Variants in ZNF532 observed in about 807,000 individuals in gnomAD.
ZNF532 encodes zinc finger protein 532.
A neutral mutation model predicts 89.3 loss-of-function variants in ZNF532; 22 were observed. That is an observed-to-expected ratio of 0.25 (90% confidence interval 0.18 to 0.35). The LOEUF (loss-of-function observed/expected upper bound fraction) is 0.35. ZNF532 is among the 10% of genes least tolerant of loss of function. The probability of loss-of-function intolerance (pLI) is 1.00; values close to 1 mark genes in which losing one functional copy is unlikely to be tolerated. For missense variants in ZNF532, 1,132 were observed against 1,643.4 expected (o/e 0.69, Z 5.38); for synonymous variants, 606 against 649.6 (o/e 0.93, Z 1.02).
intron 2 of ZNF532, among the ~76,000 whole-genome samples, chr18:58,880,702 G>C (rs976240254): frequency 4.7e-5 from 7 of 148,284 alleles, no homozygotes; most frequent in Non-Finnish European, 7.5e-5. Flanking sequence ...CAAACCTAAA[G>C]TTCAGGGTCT....
chr18:58,922,703 C>CGTGTCT (rs1360064090), intron 3 of ZNF532, among the ~76,000 whole-genome samples: 1 of 152,188 alleles, frequency 6.6e-6, no homozygotes, highest in Non-Finnish European at 1.5e-5. Flanking sequence ...CTGTTGTCTT[C>CGTGTCT]GTGTCTGTGT....
chr18:58,977,297 G>A (rs527248027), intron 7 of ZNF532, among the ~76,000 whole-genome samples: 1 of 152,262 alleles, frequency 6.6e-6, no homozygotes, highest in Admixed American at 6.5e-5. Context: ...GTCCCATGCT[G>A]CCTGCCCCCT....
intron 6 of ZNF532, among the ~76,000 whole-genome samples, chr18:58,951,688 C>T (rs543004042): frequency 4.1e-5 from 4 of 98,758 alleles, no homozygotes; most frequent in Admixed American, 1.6e-4. Context: ...TTTGCTCCGT[C>T]GCCCAAGCTG....
chr18:58,927,251 C>T (rs1458979269), intron 3 of ZNF532, among the ~76,000 whole-genome samples: 3 of 152,124 alleles, frequency 2.0e-5, no homozygotes, highest in African/African-American at 7.2e-5. Flanking sequence ...TGGGTAGGGA[C>T]GTTGGGACAG....
chr18:58,911,464 C>G (rs1227403630), intron 2 of ZNF532, among the ~76,000 whole-genome samples: 1 of 152,182 alleles, frequency 6.6e-6, no homozygotes, highest in Non-Finnish European at 1.5e-5. Context: ...CAGGGTTGCT[C>G]AAGCCTTTAA....
intron 6 of ZNF532, among the ~76,000 whole-genome samples, chr18:58,950,711 A>G (rs1011898017): frequency 6.6e-6 from 1 of 152,220 alleles, no homozygotes; most frequent in Non-Finnish European, 1.5e-5. Context: ...TTATATTTAA[A>G]CTTTTGAGTT....
chr18:58,864,738 C>T (rs183839338), upstream of ZNF532: 3 of 152,406 alleles, frequency 2.0e-5, no homozygotes, highest in Admixed American at 6.5e-5. Context: ...GAGATCCCCC[C>T]TGTGCTGATG....
chr18:58,865,918 T>C (rs1036051313), intron 2 of ZNF532, among the ~76,000 whole-genome samples: 1 of 152,196 alleles, frequency 6.6e-6, no homozygotes, highest in African/African-American at 2.4e-5. Flanking sequence ...ATTTTCCCGA[T>C]GATTATAAGA....
intron 2 of ZNF532, among the ~76,000 whole-genome samples, chr18:58,903,328 C>T (rs1202220503): frequency 6.6e-6 from 1 of 152,146 alleles, no homozygotes; most frequent in Non-Finnish European, 1.5e-5. Flanking sequence ...CGCAGCAGCT[C>T]ATGGTTGGGG....
At chr18:58,887,513 T>C (rs997767364) in intron 2 of ZNF532, among the ~76,000 whole-genome samples, 1 of 152,210 alleles carries the variant, frequency 6.6e-6, no homozygotes, top group Admixed American at 6.5e-5. Context: ...TGGTTATTGT[T>C]CGATGCATAT....
chr18:58,874,094 T>A, intron 2 of ZNF532, among the ~76,000 whole-genome samples: 1 of 151,706 alleles, frequency 6.6e-6, no homozygotes, highest in East Asian at 1.9e-4. Flanking sequence ...GTCCCAGGAC[T>A]TTTTTTTTCT....
At chr18:58,976,911 A>G (rs1444729218) in intron 7 of ZNF532, among the ~76,000 whole-genome samples, 1 of 152,216 alleles carries the variant, frequency 6.6e-6, no homozygotes, top group African/African-American at 2.4e-5. Flanking sequence ...CATGACTTTA[A>G]AGCTTTAAAA....
intron 3 of ZNF532, among the ~76,000 whole-genome samples, chr18:58,923,850 C>T (rs1448748177): frequency 6.7e-6 from 1 of 149,732 alleles, no homozygotes; most frequent in African/African-American, 2.4e-5. Context: ...CTCTGTTGTA[C>T]AACATATTCC....
intron 5 of ZNF532, among the ~76,000 whole-genome samples, chr18:58,946,593 A>G (rs2146872254): frequency 6.6e-6 from 1 of 152,196 alleles, no homozygotes; most frequent in South Asian, 2.1e-4. Flanking sequence ...TTAACCACTT[A>G]TTTATACTCT....
chr18:58,977,399 G>T (rs1298082465), intron 7 of ZNF532: 1 of 152,154 alleles, frequency 6.6e-6, no homozygotes, highest in African/African-American at 2.4e-5. Flanking sequence ...ATTCACGTGG[G>T]TTGAGTGGCT....
chr18:58,917,703 GT>G (rs1179170456), intron 2 of ZNF532, among the ~76,000 whole-genome samples: 327 of 145,560 alleles, frequency 2.2e-3, no homozygotes, highest in African/African-American at 6.8e-3. Context: ...GCTCCTTAGG[GT>G]TTTTTTTTTT....
chr18:58,965,036 AATTTAT>A (rs2065785166), intron 7 of ZNF532, among the ~76,000 whole-genome samples: 1 of 148,752 alleles, frequency 6.7e-6, no homozygotes, highest in Non-Finnish European at 1.5e-5. Flanking sequence ...CTTTTATTAT[AATTTAT>A]ATTTTATTAG....
chr18:58,888,759 T>TATATATA lies in ZNF532; in HGVS notation c.-18+23180_-18+23181insATATATA, dbSNP rs2058553111. On this transcript the variant is annotated intron_variant, in intron 2 of 9. Coordinates refer to ENST00000591808, the MANE Select transcript of ZNF532 (RefSeq NM_001375912.1). ...ATATATATTTTATATATATATAAAA[T>TATATATA]TAATATATATAATTTATATATATAT... Among the ~76,000 whole-genome samples, 15 of 5,718 alleles carry TATATATA rather than the reference T, an allele frequency of 2.6e-3. 2 individuals are homozygous for TATATATA. Among genetic ancestry groups the TATATATA allele is most frequent in the South Asian group, 8.1e-3 (1 of 124 alleles). The allele number at this position is 5,718 out of a possible 152,430, so 3.8% of individuals were successfully genotyped here.
intron 2 of ZNF532, among the ~76,000 whole-genome samples, chr18:58,871,206 C>T (rs888393188): frequency 6.6e-6 from 1 of 152,074 alleles, no homozygotes; most frequent in Admixed American, 6.5e-5. Flanking sequence ...TAGGTGATGG[C>T]ACTTTACGTC....
Sources: allele counts gnomAD v4.1 joint callset (sites outside exome capture counted in the v4.1 genomes callset), GRCh38; gene constraint gnomAD v4.1.1; transcripts MANE v1.5; gene names NCBI Gene and HGNC (gene_info 2026-07-23, HGNC 2026-07-21).